ZBTB20: variants seen among roughly 807,000 people sequenced by gnomAD.
The protein encoded by ZBTB20 is zinc finger and BTB domain-containing protein 20.
In ZBTB20, 9 loss-of-function variants were observed where a neutral mutation model predicts 56.9. The ratio of observed to expected loss-of-function variants is 0.16; its 90% CI spans 0.10 to 0.28. The LOEUF (loss-of-function observed/expected upper bound fraction) is 0.28, where lower values mean the gene tolerates loss of function less well. Among genes scored for constraint, ZBTB20 ranks in the 10% least tolerant of loss-of-function variants. The probability of loss-of-function intolerance (pLI) is 1.00; values close to 1 mark genes in which losing one functional copy is unlikely to be tolerated. For missense variants in ZBTB20, 655 were observed against 1,003.0 expected (o/e 0.65, Z 4.69); for synonymous variants, 417 against 420.7 (o/e 0.99, Z 0.11).
intron 5 of ZBTB20, among the ~76,000 whole-genome samples, chr3:114,775,268 T>G (rs903681518): frequency 6.6e-6 from 1 of 152,190 alleles, no homozygotes; most frequent in African/African-American, 2.4e-5. Context: ...ATCAGAGTGT[T>G]GTACTCTTCC....
intron 1 of ZBTB20, among the ~76,000 whole-genome samples, chr3:115,099,266 T>A (rs1228171865): frequency 6.6e-6 from 1 of 152,178 alleles, no homozygotes; most frequent in Non-Finnish European, 1.5e-5. Context: ...ACAGTTGTTG[T>A]GCAAGATGGC....
chr3:114,765,736 G>C (rs926742401), intron 5 of ZBTB20, among the ~76,000 whole-genome samples: 2 of 152,118 alleles, frequency 1.3e-5, no homozygotes, highest in African/African-American at 4.8e-5. Flanking sequence ...AAAAATATAA[G>C]ATTCATTGCA....
chr3:114,669,144 C>T (rs907477471), intron 6 of ZBTB20, among the ~76,000 whole-genome samples: 3 of 152,180 alleles, frequency 2.0e-5, no homozygotes, highest in Middle Eastern at 6.8e-3. Context: ...CTGAGGGGTG[C>T]TCCAATGGGG....
At chr3:114,695,764 A>C (rs2062969899) in intron 5 of ZBTB20, among the ~76,000 whole-genome samples, 1 of 152,058 alleles carries the variant, frequency 6.6e-6, no homozygotes, top group Non-Finnish European at 1.5e-5. Context: ...TACATGGTGC[A>C]AATGTTTTAT....
intron 7 of ZBTB20, among the ~76,000 whole-genome samples, chr3:114,492,204 C>A (rs1407700780): frequency 6.6e-6 from 1 of 152,138 alleles, no homozygotes; most frequent in Non-Finnish European, 1.5e-5. Context: ...GTTATTCATG[C>A]CAACAGATTC....
chr3:115,053,755 A>G (rs1030886679), intron 2 of ZBTB20, among the ~76,000 whole-genome samples: 1 of 152,138 alleles, frequency 6.6e-6, no homozygotes, highest in African/African-American at 2.4e-5. Flanking sequence ...CGAATGCCCT[A>G]TAAACCTGTC....
intron 5 of ZBTB20, among the ~76,000 whole-genome samples, chr3:114,716,334 C>A (rs1243906620): frequency 6.6e-6 from 1 of 152,114 alleles, no homozygotes; most frequent in African/African-American, 2.4e-5. Context: ...AGGGAACAGG[C>A]CAGTGAATTA....
Position 114,324,987 on chromosome 3 carries a change from A to G in ZBTB20, c.*14018T>C, listed in dbSNP as rs2079016013. ...GAATTAAGCATAGTGGGGTCAGCAC[A>G]CTCAAATTACCTTAAAATATCAAGT... On this transcript the variant is annotated 3_prime_UTR_variant, in exon 12 of 12. Coordinates refer to ENST00000675478, the MANE Select transcript of ZBTB20 (RefSeq NM_001348800.3). 6.6e-6 allele frequency: 1 copy of G among 152,096 alleles called. No homozygotes were observed. Among genetic ancestry groups the G allele is most frequent in the South Asian group, 2.1e-4 (1 of 4,824 alleles). The allele number at this position is 152,096 out of a possible 1,614,324, so 9.4% of individuals were successfully genotyped here. A position where few individuals can be genotyped will look rare whatever the true frequency, so the allele number is the denominator to read the frequency against.
At chr3:114,579,743 G>C (rs528309784) in intron 6 of ZBTB20, among the ~76,000 whole-genome samples, 3 of 150,890 alleles carry the variant, frequency 2.0e-5, no homozygotes, top group Admixed American at 6.6e-5. Flanking sequence ...GGGAACATAA[G>C]GACAAAAAAT....
At chr3:114,544,827 G>A (rs954692824) in intron 6 of ZBTB20, among the ~76,000 whole-genome samples, 1 of 152,070 alleles carries the variant, frequency 6.6e-6, no homozygotes, top group Non-Finnish European at 1.5e-5. Flanking sequence ...TTTCAAATAT[G>A]TGAGAGTATC....
At chr3:114,716,677 G>A (rs886269710) in intron 5 of ZBTB20, among the ~76,000 whole-genome samples, 8 of 152,216 alleles carry the variant, frequency 5.3e-5, no homozygotes, top group African/African-American at 1.9e-4. Context: ...TGCTAACACT[G>A]GCCATTGTGG....
At position 114,317,493 on chromosome 3, in the gene ZBTB20, G is replaced by A. The variant is rs1560046194; in HGVS notation, c.*21512C>T. ...ATCAGAGAAGTCTATGAAATACAATGTTCAGGAAATGCTCTGAAATCAAAC... is the reference window on the plus strand; with the variant it reads ...ATCAGAGAAGTCTATGAAATACAATATTCAGGAAATGCTCTGAAATCAAAC... On this transcript the variant is annotated 3_prime_UTR_variant, in exon 12 of 12. Transcript: ENST00000675478. The A allele has an allele frequency of 6.6e-6, 1 of 151,434 alleles. No homozygotes were observed. The highest frequency in any genetic ancestry group is 1.5e-5 in the Non-Finnish European group (1 of 67,900). The allele number at this position is 151,434 out of a possible 1,614,324, so 9.4% of individuals were successfully genotyped here.
At chr3:114,473,525 A>T (rs917725066) in intron 7 of ZBTB20, among the ~76,000 whole-genome samples, 2 of 152,198 alleles carry the variant, frequency 1.3e-5, no homozygotes, top group African/African-American at 4.8e-5. Context: ...TCTCAGAATC[A>T]CATAGAGAGG....
At chr3:114,358,464 T>C (rs1409128197) in intron 10 of ZBTB20, among the ~76,000 whole-genome samples, 2 of 152,202 alleles carry the variant, frequency 1.3e-5, no homozygotes, top group Non-Finnish European at 2.9e-5. Context: ...AGGCTGAGAA[T>C]AGATTTACAG....
intron 5 of ZBTB20, among the ~76,000 whole-genome samples, chr3:114,774,179 C>T (rs540216796): frequency 7.9e-5 from 12 of 152,172 alleles, no homozygotes; most frequent in East Asian, 3.9e-4. Flanking sequence ...ATTCTCAGCA[C>T]GCTGCACATA....
chr3:114,725,286 T>C (rs1337154996), intron 5 of ZBTB20, among the ~76,000 whole-genome samples: 5 of 152,210 alleles, frequency 3.3e-5, no homozygotes, highest in Admixed American at 3.3e-4. Flanking sequence ...TTCTCAACAA[T>C]TATCATTTAG....
chr3:114,953,986 A>G (rs2077162988), intron 3 of ZBTB20, among the ~76,000 whole-genome samples: 1 of 152,104 alleles, frequency 6.6e-6, no homozygotes, highest in South Asian at 2.1e-4. Context: ...TTCAGAGATA[A>G]GTCATATCAG....
At chr3:114,430,558 C>A (rs1490297071) in intron 7 of ZBTB20, among the ~76,000 whole-genome samples, 1 of 152,152 alleles carries the variant, frequency 6.6e-6, no homozygotes, top group Non-Finnish European at 1.5e-5. Context: ...TTTCTGCCAC[C>A]TTGATGTTTA....
intron 5 of ZBTB20, among the ~76,000 whole-genome samples, chr3:114,751,626 G>C (rs2067561836): frequency 6.6e-6 from 1 of 152,024 alleles, no homozygotes; most frequent in Admixed American, 6.6e-5. Context: ...ATTGAATAAA[G>C]AAAGGTGGCA....
Sources: allele counts gnomAD v4.1 joint callset (sites outside exome capture counted in the v4.1 genomes callset), GRCh38; gene constraint gnomAD v4.1.1; transcripts MANE v1.5; gene names NCBI Gene and HGNC (gene_info 2026-07-23, HGNC 2026-07-21).